The following ANK3 variants were observed in gnomAD, a reference collection of about 807,000 sequenced individuals.
ANK3 encodes the protein ankyrin 3, also known as ankyrin-3.
Under a neutral mutation model 370.9 loss-of-function variants are expected in ANK3, and 57 were observed. The observed-to-expected ratio is 0.15, with a 90% CI of 0.12 to 0.19. The LOEUF is 0.19. ANK3 is among the 10% of genes least tolerant of loss of function. The pLI is 1.00. For missense variants in ANK3, 4,439 were observed against 5,302.1 expected (o/e 0.84, Z 5.06); for synonymous variants, 1,929 against 1,946.3 (o/e 0.99, Z 0.23).
At chr10:60,352,888 A>G (rs2057110740) in intron 1 of ANK3, among the ~76,000 whole-genome samples, 1 of 152,136 alleles carries the variant, frequency 6.6e-6, no homozygotes, top group Non-Finnish European at 1.5e-5. Context: ...ATGGAACTAG[A>G]CTCTCTTAGG....
chr10:60,563,778 A>G (rs1420805365), intron 2 of ANK3, among the ~76,000 whole-genome samples: 3 of 152,184 alleles, frequency 2.0e-5, no homozygotes, highest in Non-Finnish European at 4.4e-5. Flanking sequence ...CAAGGCTACT[A>G]TATATAAAAT....
At chr10:60,177,850 G>A (rs1008303350) in intron 18 of ANK3, among the ~76,000 whole-genome samples, 8 of 151,880 alleles carry the variant, frequency 5.3e-5, no homozygotes, top group Non-Finnish European at 8.8e-5. Context: ...TCTGGCCGCC[G>A]CGGCCTCCCA....
At chr10:60,724,305 G>T (rs2079911753) in intron 1 of ANK3, among the ~76,000 whole-genome samples, 1 of 149,926 alleles carries the variant, frequency 6.7e-6, no homozygotes, top group Non-Finnish European at 1.5e-5. Flanking sequence ...TTGGCCTCCA[G>T]AACTGTACCT....
intron 1 of ANK3, among the ~76,000 whole-genome samples, chr10:60,618,667 C>A (rs1374970943): frequency 6.6e-6 from 1 of 152,004 alleles, no homozygotes; most frequent in African/African-American, 2.4e-5. Context: ...TCTGTGGCAC[C>A]CCCTGGCCTT....
intron 27 of ANK3, among the ~76,000 whole-genome samples, chr10:60,107,013 TTAAG>T (rs1043912942): frequency 5.9e-5 from 9 of 152,232 alleles, no homozygotes; most frequent in African/African-American, 1.9e-4. Context: ...AGATACAGGC[TTAAG>T]TAAGTAAGAG....
At chr10:60,688,828 G>T (rs1297396401) in intron 1 of ANK3, among the ~76,000 whole-genome samples, 2 of 151,948 alleles carry the variant, frequency 1.3e-5, no homozygotes, top group Non-Finnish European at 2.9e-5. Context: ...TGCACCTGTA[G>T]TCCCAGATAC....
At chr10:60,374,351 A>G (rs1676698191) in intron 1 of ANK3, among the ~76,000 whole-genome samples, 1 of 152,184 alleles carries the variant, frequency 6.6e-6, no homozygotes, top group South Asian at 2.1e-4. Context: ...CAGTTGTAAA[A>G]TAATAGTTAA....
At chr10:60,250,469 A>C (rs2097639175) in intron 7 of ANK3, among the ~76,000 whole-genome samples, 1 of 152,142 alleles carries the variant, frequency 6.6e-6, no homozygotes, top group Admixed American at 6.5e-5. Flanking sequence ...GGTTCAAGCA[A>C]TTCTCCTGCC....
At chr10:60,657,011 C>A (rs1054952156) in intron 1 of ANK3, among the ~76,000 whole-genome samples, 1 of 152,186 alleles carries the variant, frequency 6.6e-6, no homozygotes, top group Non-Finnish European at 1.5e-5. Context: ...CAAGACTGGG[C>A]AATTTACAAA....
At position 60,073,078 on chromosome 10, in the gene ANK3, C is replaced by T. The variant is rs151064913; in HGVS notation, c.7803G>A (p.Lys2601=). 8.9e-5 allele frequency: 143 copies of T among 1,614,104 alleles called. No homozygotes were observed. In the African/African-American group the frequency reaches 1.7e-3, roughly 19 times the overall value. Residue 2601 remains lysine (K), a synonymous_variant, in exon 37 of 44, where the codon AAG becomes AAA. Coordinates refer to ENST00000280772, the MANE Select transcript of ANK3 (RefSeq NM_020987.5). ...VSQFFRDKTE[K]LNDELQSPEK... is the part of the protein sequence containing the mutation. The stretch of plus-strand genomic sequence containing the variant: ...CTGGGGACTGCAGTTCATCATTTAG[C>T]TTTTCAGTTTTGTCACGAAAAAACT...
At chr10:60,435,943 C>T (rs1205789627) in intron 2 of ANK3, among the ~76,000 whole-genome samples, 2 of 152,208 alleles carry the variant, frequency 1.3e-5, no homozygotes, top group African/African-American at 2.4e-5. Flanking sequence ...AAAAATTAGC[C>T]GGGCGCAGTG....
At chr10:60,162,944 C>T (rs1254220914) in intron 23 of ANK3, among the ~76,000 whole-genome samples, 1 of 152,102 alleles carries the variant, frequency 6.6e-6, no homozygotes, top group African/African-American at 2.4e-5. Flanking sequence ...ACATTTTATA[C>T]CCCCCTGCCC....
chr10:60,088,653 G>A (rs991485682), intron 28 of ANK3, among the ~76,000 whole-genome samples: 4 of 152,118 alleles, frequency 2.6e-5, no homozygotes, highest in Non-Finnish European at 4.4e-5. Context: ...TCGAACTCGC[G>A]ACCTCCGGTG....
At chr10:60,569,386 T>A (rs2077538730) in intron 2 of ANK3, among the ~76,000 whole-genome samples, 2 of 152,002 alleles carry the variant, frequency 1.3e-5, no homozygotes, top group South Asian at 4.2e-4. Flanking sequence ...AAAAAGAGAG[T>A]TTGATTCATC....
chr10:60,458,978 AT>A (rs1168696585), intron 2 of ANK3, among the ~76,000 whole-genome samples: 1 of 152,186 alleles, frequency 6.6e-6, no homozygotes, highest in Non-Finnish European at 1.5e-5. Context: ...GATGACATTT[AT>A]TCTATGTAAA....
At chr10:60,049,711 T>A (rs542196301) in intron 42 of ANK3, among the ~76,000 whole-genome samples, 18 of 152,228 alleles carry the variant, frequency 1.2e-4, no homozygotes, top group Non-Finnish European at 2.5e-4. Context: ...AATCATATTT[T>A]AAGCTGAAAA....
chr10:60,671,194 T>A (rs2079060614), intron 1 of ANK3, among the ~76,000 whole-genome samples: 1 of 152,208 alleles, frequency 6.6e-6, no homozygotes, highest in African/African-American at 2.4e-5. Context: ...AACTCTGTGA[T>A]CCACAAGGTT....
At chr10:60,056,916 T>A (rs1433812341) in intron 41 of ANK3, among the ~76,000 whole-genome samples, 3 of 152,108 alleles carry the variant, frequency 2.0e-5, no homozygotes, top group Non-Finnish European at 4.4e-5. Context: ...TCCCAGCTAC[T>A]TGGGAGGCTG....
chr10:60,147,519 C>A, intron 23 of ANK3, among the ~76,000 whole-genome samples: 1 of 152,216 alleles, frequency 6.6e-6, no homozygotes, highest in South Asian at 2.1e-4. Context: ...CTCTGTGTCC[C>A]CACCAAATCT....
Sources: allele counts gnomAD v4.1 joint callset (sites outside exome capture counted in the v4.1 genomes callset), GRCh38; gene constraint gnomAD v4.1.1; transcripts MANE v1.5; gene names NCBI Gene and HGNC (gene_info 2026-07-23, HGNC 2026-07-21).